The following KCNMB2 variants were observed in gnomAD, a reference collection of about 807,000 sequenced individuals.
KCNMB2 encodes the protein potassium calcium-activated channel subfamily M regulatory beta subunit 2, also known as calcium-activated potassium channel subunit beta-2.
In KCNMB2, 9 loss-of-function variants were observed where a neutral mutation model predicts 24.5. The ratio of observed to expected loss-of-function variants is 0.37; its 90% confidence interval spans 0.22 to 0.64. KCNMB2 has a LOEUF of 0.64. Among genes scored for constraint, KCNMB2 ranks in the 30% least tolerant of loss-of-function variants. KCNMB2 has a pLI of 0.63. For synonymous variants in KCNMB2, 109 were observed against 104.4 expected (o/e 1.04, Z -0.27); for missense variants, 226 against 284.3 (o/e 0.79, Z 1.47).
chr3:178,570,346 C>A lies in KCNMB2; in HGVS notation c.-68+33635C>A, dbSNP rs113932328. Among the ~76,000 whole-genome samples the A allele has an allele frequency of 3.9e-4, 60 of 152,098 alleles. 1 individual carries two copies. The highest frequency in any genetic ancestry group is 3.4e-3 in the Middle Eastern group (1 of 294). On this transcript the variant is annotated intron_variant, in intron 1 of 4. Coordinates refer to ENST00000452583, the MANE Select transcript of KCNMB2 (RefSeq NM_181361.3). ...ACCCTGCAATCAAAAAAGTCCCCCA[C>A]AATTTTTTTAATTTAGTCTGAGAAA... is the stretch of plus-strand genomic sequence containing the variant.
chr3:178,597,328 C>A (rs1717912709), intron 1 of KCNMB2, among the ~76,000 whole-genome samples: 1 of 152,058 alleles, frequency 6.6e-6, no homozygotes, highest in Non-Finnish European at 1.5e-5. Flanking sequence ...GCTCAATAAC[C>A]ATTACATTAA....
chr3:178,570,393 C>T (rs942784386), intron 1 of KCNMB2, among the ~76,000 whole-genome samples: 1 of 151,700 alleles, frequency 6.6e-6, no homozygotes, highest in African/African-American at 2.4e-5. Flanking sequence ...TTAGACAAAA[C>T]GTGAAAATAT....
At chr3:178,750,917 A>C (rs1474387580) in intron 1 of KCNMB2, among the ~76,000 whole-genome samples, 1 of 152,202 alleles carries the variant, frequency 6.6e-6, no homozygotes, top group African/African-American at 2.4e-5. Flanking sequence ...GCCTGAGTAC[A>C]CCATAGCACT....
At chr3:178,624,348 T>C (rs1279880871) in intron 1 of KCNMB2, among the ~76,000 whole-genome samples, 1 of 151,168 alleles carries the variant, frequency 6.6e-6, no homozygotes, top group Non-Finnish European at 1.5e-5. Context: ...TTTTTGAAAA[T>C]ACACAAATTT....
At chr3:178,578,097 T>C (rs1193787400) in intron 1 of KCNMB2, among the ~76,000 whole-genome samples, 1 of 152,022 alleles carries the variant, frequency 6.6e-6, no homozygotes, top group African/African-American at 2.4e-5. Context: ...AAGGTTAAAA[T>C]GAAGGAGAAA....
chr3:178,765,311 A>AGT (rs1670250605), intron 1 of KCNMB2, among the ~76,000 whole-genome samples: 12 of 152,208 alleles, frequency 7.9e-5, no homozygotes, highest in Admixed American at 7.8e-4. Flanking sequence ...GTCACTGGCC[A>AGT]ACTAGTATAG....
At chr3:178,689,507 G>A (rs1221363926) in intron 1 of KCNMB2, among the ~76,000 whole-genome samples, 4 of 151,960 alleles carry the variant, frequency 2.6e-5, no homozygotes, top group Admixed American at 2.6e-4. Flanking sequence ...GTGGTGGTGG[G>A]CGCCTGTAGA....
At chr3:178,586,631 G>A (rs1400089382) in intron 1 of KCNMB2, among the ~76,000 whole-genome samples, 3 of 121,760 alleles carry the variant, frequency 2.5e-5, no homozygotes, top group East Asian at 2.9e-4. Flanking sequence ...TGCAACCTCC[G>A]CCTCCCGGGT....
intron 1 of KCNMB2, among the ~76,000 whole-genome samples, chr3:178,627,119 ATTAT>A (rs1719149153): frequency 6.6e-6 from 1 of 151,990 alleles, no homozygotes; most frequent in Non-Finnish European, 1.5e-5. Context: ...AGTTGGCTAG[ATTAT>A]TTATAAACAT....
At chr3:178,783,883 G>A (rs1712982992) in intron 1 of KCNMB2, among the ~76,000 whole-genome samples, 1 of 152,158 alleles carries the variant, frequency 6.6e-6, no homozygotes, top group African/African-American at 2.4e-5. Context: ...TTTTCAAAGG[G>A]AATGCTTCCA....
chr3:178,602,056 T>C (rs544862336), intron 1 of KCNMB2, among the ~76,000 whole-genome samples: 12 of 152,246 alleles, frequency 7.9e-5, no homozygotes, highest in African/African-American at 2.6e-4. Flanking sequence ...CTTGACATGA[T>C]AGAGGAGAGA....
In KCNMB2 at chr3:178,758,677, T is replaced by TATATATATCTCTCTCCAAGAGG. The variant is rs1359449785; in HGVS notation, c.-67-48658_-67-48657insCTCTCTCCAAGAGGATATATAT. Among the ~76,000 whole-genome samples, 27 of 62,942 alleles carry TATATATATCTCTCTCCAAGAGG rather than the reference T, an allele frequency of 4.3e-4. 4 individuals carry two copies. Among genetic ancestry groups the TATATATATCTCTCTCCAAGAGG allele is most frequent in the African/African-American group, 1.7e-3 (25 of 14,472 alleles). 41.3% of individuals were successfully genotyped at this position (62,942 alleles called of 152,430 possible). On this transcript the variant is annotated intron_variant, in intron 1 of 4. Coordinates refer to ENST00000452583, the MANE Select transcript of KCNMB2 (RefSeq NM_181361.3). ...ATATATATCTCTCTCCAAGAGGATA[T>TATATATATCTCTCTCCAAGAGG]ATATATATATATCTCTCTCTCTACA... is the stretch of plus-strand genomic sequence containing the variant.
chr3:178,805,578 C>CA (rs1157447147), intron 1 of KCNMB2, among the ~76,000 whole-genome samples: 1 of 152,114 alleles, frequency 6.6e-6, no homozygotes, highest in Admixed American at 6.5e-5. Context: ...GGCAGGCTCT[C>CA]AGACTCCACC....
chr3:178,681,273 A>T (rs1721262661), intron 1 of KCNMB2, among the ~76,000 whole-genome samples: 1 of 152,194 alleles, frequency 6.6e-6, no homozygotes, highest in East Asian at 1.9e-4. Flanking sequence ...AAATAGTATA[A>T]CAATACCAAC....
chr3:178,666,341 T>TA (rs1577082827), intron 1 of KCNMB2, among the ~76,000 whole-genome samples: 2 of 152,174 alleles, frequency 1.3e-5, no homozygotes, highest in African/African-American at 2.4e-5. Flanking sequence ...GATAAGCATG[T>TA]AAAAAATCCA....
chr3:178,826,079 C>T (rs1185592272), intron 3 of KCNMB2, among the ~76,000 whole-genome samples: 1 of 152,150 alleles, frequency 6.6e-6, no homozygotes, highest in Non-Finnish European at 1.5e-5. Context: ...TGTCATACAG[C>T]TCTTGCTTGT....
At chr3:178,606,853 A>G (rs945190884) in intron 1 of KCNMB2, among the ~76,000 whole-genome samples, 1 of 152,148 alleles carries the variant, frequency 6.6e-6, no homozygotes, top group East Asian at 1.9e-4. Context: ...GAAAGCTTCA[A>G]TCTCGGGAAA....
chr3:178,742,535 G>T (rs1723528319), intron 1 of KCNMB2, among the ~76,000 whole-genome samples: 1 of 152,132 alleles, frequency 6.6e-6, no homozygotes. Flanking sequence ...AATATTCTTT[G>T]TTTAGATTTC....
intron 1 of KCNMB2, among the ~76,000 whole-genome samples, chr3:178,626,450 G>A (rs1418401668): frequency 6.6e-6 from 1 of 152,170 alleles, no homozygotes; most frequent in African/African-American, 2.4e-5. Flanking sequence ...CTGCTATAAA[G>A]AACTGCCCAA....
Sources: allele counts gnomAD v4.1 joint callset (sites outside exome capture counted in the v4.1 genomes callset), GRCh38; gene constraint gnomAD v4.1.1; transcripts MANE v1.5; gene names NCBI Gene and HGNC (gene_info 2026-07-23, HGNC 2026-07-21).